Variants in IRF4 observed in about 807,000 individuals in gnomAD.
IRF4 encodes lymphocyte-specific interferon regulatory factor.
A neutral mutation model predicts 55.5 loss-of-function variants in IRF4; 13 were observed. The ratio of observed to expected loss-of-function variants is 0.23; its 90% CI spans 0.15 to 0.37. The LOEUF is 0.37. Ranked by LOEUF, IRF4 falls within the 10% of genes least tolerant of loss-of-function variation. The probability of loss-of-function intolerance (pLI) is 1.00; values close to 1 mark genes in which losing one functional copy is unlikely to be tolerated. For synonymous variants in IRF4, 249 were observed against 240.7 expected, an observed-to-expected ratio of 1.03 and a Z score of -0.32; for missense variants, 397 against 593.8, an observed-to-expected ratio of 0.67 and a Z score of 3.44.
intron 2 of IRF4, among the ~76,000 whole-genome samples, chr6:394,475 T>C: frequency 6.6e-6 from 1 of 152,222 alleles, no homozygotes; most frequent in African/African-American, 2.4e-5. Flanking sequence ...TTATAAAATA[T>C]CTGTATTTTG....
rs959081073 is a variant in IRF4, at chr6:393,510, C to T, written c.216+142C>T. On this transcript the variant is annotated intron_variant, in intron 2 of 8. Coordinates refer to ENST00000380956, the MANE Select transcript of IRF4 (RefSeq NM_002460.4). The surrounding 1 kb of genome is among the most constrained non-coding windows in gnomAD (Gnocchi z 5.4). ...GCGGCGGAGGCATCAGGTGGCGTCG[C>T]CGGAGCCGCAGGAGGAGGAAAGGAG... is the stretch of plus-strand genomic sequence containing the variant. The T allele has an allele frequency of 5.6e-6, 3 of 538,144 alleles. No homozygotes were observed. The highest frequency in any genetic ancestry group is 7.5e-5 in the South Asian group (1 of 13,416). 33.3% of individuals were successfully genotyped at this position (538,144 alleles called of 1,614,324 possible).
At chr6:396,482 G>A (rs905737010) in intron 4 of IRF4, among the ~76,000 whole-genome samples, 2 of 152,172 alleles carry the variant, frequency 1.3e-5, no homozygotes, top group African/African-American at 4.8e-5. Flanking sequence ...AAAATGCTTC[G>A]GCTGTCAGTC....
chr6:406,375 C>G (rs1220985753), intron 8 of IRF4, among the ~76,000 whole-genome samples: 1 of 152,048 alleles, frequency 6.6e-6, no homozygotes, highest in East Asian at 1.9e-4. Context: ...AACCCCCTCT[C>G]TACTAAAAAT....
chr6:405,523 C>G (rs991142072), intron 8 of IRF4, among the ~76,000 whole-genome samples: 18 of 152,216 alleles, frequency 1.2e-4, no homozygotes, highest in Non-Finnish European at 2.2e-4. Context: ...GATCTTCATT[C>G]AATGGAAAAG....
At chr6:397,288 AAT>A in intron 5 of IRF4, 36 bp downstream of exon 5, 2 of 1,611,960 alleles carry the variant, frequency 1.2e-6, no homozygotes, top group Non-Finnish European at 1.7e-6. Flanking sequence ...TAGAAGAGCT[AAT>A]TGCTAATGTG....
At chr6:394,788 T>G in intron 2 of IRF4, 33 bp from the exon 3 acceptor site, 1 of 1,591,686 alleles carries the variant, frequency 6.3e-7, no homozygotes, top group Non-Finnish European at 8.6e-7. Context: ...ACATGTATTT[T>G]GACTTTTCGT....
chr6:396,465 G>A lies in IRF4; in HGVS notation c.492+530G>A, dbSNP rs148943953. On this transcript the variant is annotated intron_variant, in intron 4 of 8. Transcript: ENST00000380956. ...ATGAAGGGTTCACTCCAGTCTTTTCGGATGATAAAATGCTTCGGCTGTCAG... is the reference window on the plus strand; with the variant it reads ...ATGAAGGGTTCACTCCAGTCTTTTCAGATGATAAAATGCTTCGGCTGTCAG... Among the ~76,000 whole-genome samples, 392 of 152,276 alleles carry A rather than the reference G, an allele frequency of 2.6e-3. 3 individuals carry two copies. The highest frequency in any genetic ancestry group is 8.5e-3 in the African/African-American group (355 of 41,542).
chr6:403,263 G>A (rs985066169), intron 7 of IRF4, among the ~76,000 whole-genome samples: 5 of 152,212 alleles, frequency 3.3e-5, no homozygotes, highest in African/African-American at 1.2e-4. Context: ...CAACTGGGGG[G>A]ACCCCCCCTC....
rs886740389 is a variant in IRF4, at chr6:409,019, C to T, written c.*1421C>T. 1.8e-5 allele frequency: 4 copies of T among 221,798 alleles called. No individual in the cohort carries two copies. The highest frequency in any genetic ancestry group is 2.7e-5 in the Non-Finnish European group (3 of 110,846). The allele number at this position is 221,798 out of a possible 1,614,324, so 13.7% of individuals were successfully genotyped here. A position where few individuals can be genotyped will look rare whatever the true frequency, so the allele number is the denominator to read the frequency against. ...GAGAAAGTACAGCAGTAGACTGGGG[C>T]GTCACCTCCAGGCCGTTTCTCATAC... On this transcript the variant is annotated 3_prime_UTR_variant, in exon 9 of 9. Coordinates refer to ENST00000380956, the MANE Select transcript of IRF4 (RefSeq NM_002460.4).
At chr6:396,361 A>G (rs1761258976) in intron 4 of IRF4, among the ~76,000 whole-genome samples, 1 of 152,248 alleles carries the variant, frequency 6.6e-6, no homozygotes, top group Non-Finnish European at 1.5e-5. Flanking sequence ...GTTTAGCCAT[A>G]TGACGAAGCT....
chr6:395,832 T>C lies in IRF4; in HGVS notation c.404-15T>C, dbSNP rs1761235969. 6.2e-7 allele frequency: 1 copy of C among 1,606,724 alleles called. No individual in the cohort carries two copies. The highest frequency in any genetic ancestry group is 8.5e-7 in the Non-Finnish European group (1 of 1,174,380). Reference sequence around the variant, plus strand: ...TTTTTACGTTGTGCCATTTCCCTTTTCCCCAAACATGTAGGAGCCAAGCAG... The same window carrying C: ...TTTTTACGTTGTGCCATTTCCCTTTCCCCCAAACATGTAGGAGCCAAGCAG... On this transcript the variant is annotated splice_polypyrimidine_tract_variant and intron_variant, in intron 3 of 8. Coordinates refer to ENST00000380956, the MANE Select transcript of IRF4 (RefSeq NM_002460.4).
Position 401,695 on chromosome 6 carries a change from C to T in IRF4, c.1017C>T (p.Pro339=), listed in dbSNP as rs2127440246. The change falls in exon 7 of 9, where the codon CCC becomes CCT. Residue 339 remains proline (P), a synonymous_variant. Coordinates refer to ENST00000380956, the MANE Select transcript of IRF4 (RefSeq NM_002460.4). The part of the protein sequence containing the change: ...LCQSRIYWDG[P]LALCNDRPNK... ...AGAGCAGGATCTACTGGGACGGGCC[C>T]CTGGCGCTGTGCAACGACCGGCCCA... 1 of 1,614,228 alleles carries T rather than the reference C, an allele frequency of 6.2e-7. No homozygotes were observed. Among genetic ancestry groups the T allele is most frequent in the Non-Finnish European group, 8.5e-7 (1 of 1,180,046 alleles).
chr6:404,790 TGAA>T (rs1761501442), intron 7 of IRF4, among the ~76,000 whole-genome samples: 1 of 152,208 alleles, frequency 6.6e-6, no homozygotes, highest in Non-Finnish European at 1.5e-5. Flanking sequence ...TAGTTCCTCT[TGAA>T]GAATCGAGGG....
intron 5 of IRF4, chr6:397,598 G>T: frequency 4.4e-6 from 1 of 225,492 alleles, no homozygotes; most frequent in African/African-American, 2.3e-5. Context: ...TTATTGAGCT[G>T]GTATATTTCT....
At chr6:401,808 G>A (rs774904991) in intron 7 of IRF4, 31 bp downstream of exon 7, 6 of 1,594,644 alleles carry the variant, frequency 3.8e-6, no homozygotes, top group Non-Finnish European at 5.2e-6. Context: ...TTAGAATGGA[G>A]GTGGTGATGG....
At chr6:395,806 G>A in intron 3 of IRF4, 41 bp from the exon 4 acceptor site, 1 of 1,491,118 alleles carries the variant, frequency 6.7e-7, no homozygotes, top group Non-Finnish European at 9.3e-7. Context: ...GTCAGTTCCT[G>A]TTTTTACGTT....
In IRF4 at chr6:410,089, C is replaced by G. The variant is rs1470192726; in HGVS notation, c.*2491C>G. On this transcript the variant is annotated 3_prime_UTR_variant, in exon 9 of 9. Coordinates refer to ENST00000380956, the MANE Select transcript of IRF4 (RefSeq NM_002460.4). ...AGGAATCCTAGCACTTGTCTCAGGACTCTGAAAAGGAACGGCTTCCTCATT... is the reference window on the plus strand; with the variant it reads ...AGGAATCCTAGCACTTGTCTCAGGAGTCTGAAAAGGAACGGCTTCCTCATT... The G allele has an allele frequency of 4.4e-6, 1 of 226,512 alleles. No homozygotes were observed. Among genetic ancestry groups the G allele is most frequent in the African/African-American group, 2.2e-5 (1 of 44,988 alleles). The allele number at this position is 226,512 out of a possible 1,614,324, so 14.0% of individuals were successfully genotyped here. A position where few individuals can be genotyped will look rare whatever the true frequency, so the allele number is the denominator to read the frequency against.
At chr6:405,248 T>C in intron 8 of IRF4, 118 bp downstream of exon 8, 2 of 660,744 alleles carry the variant, frequency 3.0e-6, no homozygotes, top group Non-Finnish European at 5.3e-6. Context: ...AAAATAAGCG[T>C]AACCCTTAAA....
At chr6:394,432 T>C (rs1761203526) in intron 2 of IRF4, among the ~76,000 whole-genome samples, 1 of 152,238 alleles carries the variant, frequency 6.6e-6, no homozygotes, top group Admixed American at 6.5e-5. Context: ...CTATGCGCCA[T>C]TCTTTCTTTT....
Sources: allele counts gnomAD v4.1 joint callset (sites outside exome capture counted in the v4.1 genomes callset), GRCh38; gene constraint gnomAD v4.1.1; non-coding constraint Gnocchi (gnomAD v3.1); transcripts MANE v1.5; gene names NCBI Gene and HGNC (gene_info 2026-07-23, HGNC 2026-07-21).